Variants in KLF8 observed in about 807,000 individuals in gnomAD.
The protein encoded by KLF8 is Krueppel-like factor 8.
Under a neutral mutation model 18.2 loss-of-function variants are expected in KLF8, and 10 were observed. That is an observed-to-expected ratio of 0.55 (90% confidence interval 0.34 to 0.93). The LOEUF (loss-of-function observed/expected upper bound fraction) is 0.93, where lower values mean the gene tolerates loss of function less well. Ranked by LOEUF, KLF8 falls within the 40% of genes least tolerant of loss-of-function variation. The probability of loss-of-function intolerance (pLI) is 0.02; values close to 1 mark genes in which losing one functional copy is unlikely to be tolerated. For missense variants in KLF8, 264 were observed against 277.9 expected, an observed-to-expected ratio of 0.95 and a Z score of 0.36; for synonymous variants, 109 against 97.3, an observed-to-expected ratio of 1.12 and a Z score of -0.71.
At chrX:55,995,987 C>T in the KLF8 span, among the ~76,000 whole-genome samples, 16 of 111,434 alleles carry the variant, frequency 1.4e-4, no homozygotes, top group East Asian at 1.7e-3. Flanking sequence ...CTTGCTCTTT[C>T]GGGGACACCA....
chrX:55,946,203 GC>G, the KLF8 span, among the ~76,000 whole-genome samples: 2 of 111,389 alleles, frequency 1.8e-5, no homozygotes, highest in Non-Finnish European at 3.8e-5. Flanking sequence ...AAAGAAGAAA[GC>G]TGGAAGCATC....
the KLF8 span, among the ~76,000 whole-genome samples, chrX:56,041,082 G>T: frequency 9.3e-6 from 1 of 107,287 alleles, no homozygotes; most frequent in African/African-American, 3.4e-5. Flanking sequence ...ATGGTTGTTT[G>T]TATTTCTGTG....
the KLF8 span, among the ~76,000 whole-genome samples, chrX:55,941,451 T>C: frequency 1.8e-5 from 2 of 111,540 alleles, no homozygotes; most frequent in African/African-American, 6.5e-5. Context: ...ATTCAGGTCA[T>C]AGGCATGGGC....
chrX:56,140,258 A>G, the KLF8 span, among the ~76,000 whole-genome samples: 33 of 112,214 alleles, frequency 2.9e-4, no homozygotes, highest in African/African-American at 1.0e-3. Flanking sequence ...ATTAATGGGT[A>G]TATACCCAAA....
the KLF8 span, among the ~76,000 whole-genome samples, chrX:55,934,857 G>A: frequency 2.7e-5 from 3 of 111,972 alleles, no homozygotes; most frequent in Non-Finnish European, 5.6e-5. Context: ...GGGAGTTACT[G>A]GGATATTCCT....
chrX:56,215,524 T>TCG, the KLF8 span, among the ~76,000 whole-genome samples: 1 of 109,707 alleles, frequency 9.1e-6, no homozygotes, highest in Non-Finnish European at 1.9e-5. Context: ...TCTCAGAAAT[T>TCG]CACATATCCA....
At chrX:56,090,127 C>T in the KLF8 span, among the ~76,000 whole-genome samples, 27 of 111,876 alleles carry the variant, frequency 2.4e-4, no homozygotes, top group African/African-American at 6.5e-4. Context: ...ACAGGCTCAT[C>T]GAAAGATTAA....
chrX:56,048,528 C>T, the KLF8 span, among the ~76,000 whole-genome samples: 100 of 111,968 alleles, frequency 8.9e-4, 1 homozygote, highest in African/African-American at 2.9e-3. Context: ...ATAAGGAATC[C>T]TTTCCCCATT....
the KLF8 span, among the ~76,000 whole-genome samples, chrX:55,944,136 T>G: frequency 9.0e-6 from 1 of 111,009 alleles, no homozygotes; most frequent in East Asian, 2.8e-4. Context: ...ATTACATTTA[T>G]TGATTTGCGT....
At chrX:56,173,703 T>C in the KLF8 span, among the ~76,000 whole-genome samples, 1 of 112,119 alleles carries the variant, frequency 8.9e-6, no homozygotes, top group Non-Finnish European at 1.9e-5. Context: ...ATGGCCATTT[T>C]AATGATATTG....
chrX:55,932,678 G>A, the KLF8 span, among the ~76,000 whole-genome samples: 7 of 111,900 alleles, frequency 6.3e-5, no homozygotes, highest in African/African-American at 2.3e-4. Context: ...TTTTCTTTAA[G>A]AGTGTTGAAC....
chrX:56,244,520 G>T (rs921970427), intron 1 of KLF8, among the ~76,000 whole-genome samples: 1 of 111,720 alleles, frequency 9.0e-6, no homozygotes, highest in African/African-American at 3.3e-5. Flanking sequence ...AGGAAATAAT[G>T]GTGCCTACTA....
the KLF8 span, among the ~76,000 whole-genome samples, chrX:56,216,307 A>G: frequency 1.8e-5 from 2 of 110,904 alleles, no homozygotes; most frequent in South Asian, 7.6e-4. Flanking sequence ...TGCATGTCTT[A>G]TCATGTTGCT....
the KLF8 span, among the ~76,000 whole-genome samples, chrX:56,165,485 C>T: frequency 2.8e-4 from 32 of 112,390 alleles, no homozygotes; most frequent in East Asian, 7.8e-3. Flanking sequence ...TGCATGATTT[C>T]GTAATATCAC....
At chrX:56,248,459 C>T (rs1410823953) in intron 1 of KLF8, among the ~76,000 whole-genome samples, 2 of 111,991 alleles carry the variant, frequency 1.8e-5, no homozygotes, top group Non-Finnish European at 3.8e-5. Flanking sequence ...AACTGAGGTT[C>T]ATAGAAGCTA....
the KLF8 span, among the ~76,000 whole-genome samples, chrX:56,072,211 T>A: frequency 1.8e-5 from 2 of 111,918 alleles, no homozygotes; most frequent in African/African-American, 6.5e-5. Flanking sequence ...GAAATGTACC[T>A]CCTTGCTAGT....
At chrX:56,058,193 C>CAT in the KLF8 span, among the ~76,000 whole-genome samples, 37 of 44,918 alleles carry the variant, frequency 8.2e-4, no homozygotes, top group African/African-American at 2.7e-3. Flanking sequence ...TATATATATA[C>CAT]ATATATATAT....
the KLF8 span, among the ~76,000 whole-genome samples, chrX:55,990,771 A>G: frequency 8.9e-6 from 1 of 112,070 alleles, no homozygotes; most frequent in African/African-American, 3.2e-5. Context: ...TCCACTCCAG[A>G]CCCTCTTTGC....
chrX:56,086,523 G>T, the KLF8 span, among the ~76,000 whole-genome samples: 131 of 111,013 alleles, frequency 1.2e-3, no homozygotes, highest in African/African-American at 4.1e-3. Flanking sequence ...AGATGACAAA[G>T]ATTTGGAAAT....
Sources: allele counts gnomAD v4.1 joint callset (sites outside exome capture counted in the v4.1 genomes callset), GRCh38; gene constraint gnomAD v4.1.1; transcripts MANE v1.5; gene names NCBI Gene and HGNC (gene_info 2026-07-23, HGNC 2026-07-21).